The following PDE4D variants were observed in gnomAD, a reference collection of about 807,000 sequenced individuals.
The protein encoded by PDE4D is 3',5'-cyclic-AMP phosphodiesterase 4D.
PDE4D carries 24 observed loss-of-function variants against 87.4 expected under a neutral mutation model. The ratio of observed to expected loss-of-function variants is 0.27; its 90% CI spans 0.20 to 0.39. The LOEUF (loss-of-function observed/expected upper bound fraction) is 0.39, where lower values mean the gene tolerates loss of function less well. PDE4D is among the 10% of genes least tolerant of loss of function. PDE4D has a pLI of 1.00. For missense variants in PDE4D, 714 were observed against 1,041.0 expected (o/e 0.69, Z 4.32); for synonymous variants, 384 against 383.2 (o/e 1.00, Z -0.02).
chr5:59,765,145 G>C (rs1396367275), intron 1 of PDE4D, among the ~76,000 whole-genome samples: 1 of 152,204 alleles, frequency 6.6e-6, no homozygotes, highest in African/African-American at 2.4e-5. Context: ...CTTCATAATG[G>C]AAGGGAGCAA....
At chr5:59,462,653 C>T (rs1800947606) in intron 1 of PDE4D, among the ~76,000 whole-genome samples, 1 of 152,134 alleles carries the variant, frequency 6.6e-6, no homozygotes, top group Non-Finnish European at 1.5e-5. Flanking sequence ...AGTCCAGCAA[C>T]CAGCATGAAA....
At chr5:60,461,503 C>T (rs545807175) in intron 1 of PDE4D, among the ~76,000 whole-genome samples, 1 of 152,354 alleles carries the variant, frequency 6.6e-6, no homozygotes, top group African/African-American at 2.4e-5. Flanking sequence ...AAAGTGTTCA[C>T]TGACTTTAAT....
chr5:59,901,128 A>T (rs1307136141), intron 3 of PDE4D, among the ~76,000 whole-genome samples: 1 of 152,186 alleles, frequency 6.6e-6, no homozygotes. Flanking sequence ...TATGGGGACA[A>T]TTACTTAACT....
intron 1 of PDE4D, among the ~76,000 whole-genome samples, chr5:60,286,070 G>GC (rs1442156398): frequency 2.0e-5 from 3 of 152,128 alleles, no homozygotes; most frequent in Non-Finnish European, 2.9e-5. Flanking sequence ...CAAACAGGAC[G>GC]CCCGTTTAAC....
chr5:59,557,652 G>T (rs532773832), intron 1 of PDE4D, among the ~76,000 whole-genome samples: 11 of 152,292 alleles, frequency 7.2e-5, no homozygotes, highest in African/African-American at 2.6e-4. Context: ...ACAACTGTAG[G>T]TGATGTATCC....
At chr5:59,899,978 T>C (rs1262872509) in intron 3 of PDE4D, among the ~76,000 whole-genome samples, 2 of 152,146 alleles carry the variant, frequency 1.3e-5, no homozygotes, top group Non-Finnish European at 2.9e-5. Context: ...CAGTGGCTCA[T>C]GCCTGTAATC....
chr5:60,388,396 T>TA (rs565491012), intron 1 of PDE4D, among the ~76,000 whole-genome samples: 134 of 142,908 alleles, frequency 9.4e-4, no homozygotes, highest in South Asian at 2.9e-3. Flanking sequence ...TTATTTTTTC[T>TA]AAAAAAAAAA....
intron 1 of PDE4D, among the ~76,000 whole-genome samples, chr5:59,231,221 A>T (rs1399582075): frequency 6.6e-6 from 1 of 152,224 alleles, no homozygotes; most frequent in Non-Finnish European, 1.5e-5. Context: ...GCTGAAGACA[A>T]AATGACCTTG....
intron 1 of PDE4D, among the ~76,000 whole-genome samples, chr5:59,742,708 G>T (rs1013986760): frequency 6.6e-6 from 1 of 152,138 alleles, no homozygotes; most frequent in Admixed American, 6.5e-5. Flanking sequence ...CCCTGAAACA[G>T]TCATTGCTAT....
chr5:59,083,498 G>T (rs950046101), intron 5 of PDE4D, among the ~76,000 whole-genome samples: 1 of 151,102 alleles, frequency 6.6e-6, no homozygotes, highest in East Asian at 1.9e-4. Context: ...TATATCCTTG[G>T]CTTTTTGCTC....
chr5:60,046,063 CT>C (rs1339473009), intron 2 of PDE4D, among the ~76,000 whole-genome samples: 1 of 152,164 alleles, frequency 6.6e-6, no homozygotes, highest in Non-Finnish European at 1.5e-5. Flanking sequence ...TGTAGTTCTC[CT>C]TGAAGAGGTC....
chr5:59,596,010 T>TTA lies in PDE4D; in HGVS notation c.455+297156_455+297157dup, dbSNP rs148993212. 3.3e-3 allele frequency among the ~76,000 whole-genome samples: 493 copies of TTA among 150,216 alleles called. 3 individuals carry two copies. The highest frequency in any genetic ancestry group is 0.011 in the African/African-American group (442 of 41,174). On this transcript the variant is annotated intron_variant, in intron 1 of 14. Transcript: ENST00000340635. ...ACTGGTTTTTAGTGCTTTTTAAAAA[T>TTA]TATATATATATATATTTTTGCAGTG... is the stretch of plus-strand genomic sequence containing the variant.
intron 1 of PDE4D, among the ~76,000 whole-genome samples, chr5:59,697,360 CA>C (rs1404671593): frequency 6.6e-6 from 1 of 152,022 alleles, no homozygotes; most frequent in Non-Finnish European, 1.5e-5. Flanking sequence ...CATAGAGGGC[CA>C]AAGGGGCTTA....
At chr5:59,363,648 A>G (rs1414220259) in intron 1 of PDE4D, among the ~76,000 whole-genome samples, 1 of 152,218 alleles carries the variant, frequency 6.6e-6, no homozygotes, top group Non-Finnish European at 1.5e-5. Flanking sequence ...TAGATGAGAA[A>G]TCTGAGACTC....
intron 5 of PDE4D, among the ~76,000 whole-genome samples, chr5:59,171,883 T>C (rs914175828): frequency 1.5e-4 from 17 of 115,900 alleles, no homozygotes; most frequent in African/African-American, 6.3e-4. Context: ...GAGAAATATA[T>C]TTATTATATA....
chr5:59,483,680 T>C (rs7731885), intron 1 of PDE4D, among the ~76,000 whole-genome samples: 145 of 152,142 alleles, frequency 9.5e-4, no homozygotes, highest in African/African-American at 3.3e-3. Context: ...GGAGAGTAAG[T>C]GGGGGTTCTG....
chr5:59,762,427 T>C (rs1238796674), intron 1 of PDE4D, among the ~76,000 whole-genome samples: 9 of 134,278 alleles, frequency 6.7e-5, no homozygotes, highest in African/African-American at 2.3e-4. Flanking sequence ...GGTACACATG[T>C]GTATATGTGT....
intron 1 of PDE4D, among the ~76,000 whole-genome samples, chr5:59,502,741 TCTC>T (rs1285478698): frequency 2.0e-5 from 3 of 151,378 alleles, no homozygotes; most frequent in East Asian, 3.9e-4. Context: ...TTTGTAAAAC[TCTC>T]CTTAGGGAAT....
chr5:59,982,506 G>A (rs900294679), intron 3 of PDE4D, among the ~76,000 whole-genome samples: 15 of 152,136 alleles, frequency 9.9e-5, no homozygotes, highest in Non-Finnish European at 1.8e-4. Context: ...ACCACATGTG[G>A]GAATGTAAGT....
Sources: gnomAD v4.1 joint callset for allele counts (sites outside exome capture counted in the v4.1 genomes callset) on GRCh38, gnomAD v4.1.1 for gene constraint, MANE v1.5 for transcripts, NCBI Gene and HGNC (gene_info 2026-07-23, HGNC 2026-07-21) for gene names.